GRIK3: variants seen among roughly 807,000 people sequenced by gnomAD.
GRIK3 encodes the protein glutamate receptor ionotropic, kainate 3.
GRIK3 carries 29 observed loss-of-function variants against 102.5 expected under a neutral mutation model. The observed-to-expected ratio is 0.28, with a 90% confidence interval of 0.21 to 0.39. The LOEUF is 0.39. Ranked by LOEUF, GRIK3 falls within the 10% of genes least tolerant of loss-of-function variation. GRIK3 has a pLI of 1.00. For missense variants in GRIK3, 908 were observed against 1,252.4 expected, an observed-to-expected ratio of 0.73 and a Z score of 4.15; for synonymous variants, 511 against 504.9, an observed-to-expected ratio of 1.01 and a Z score of -0.16.
chr1:36,810,794 G>A (rs1642552699), intron 13 of GRIK3, among the ~76,000 whole-genome samples: 2 of 152,210 alleles, frequency 1.3e-5, no homozygotes, highest in Admixed American at 1.3e-4. Context: ...GGTCATTTCT[G>A]TGGGGACAGG....
chr1:36,809,443 C>T (rs1437011039), intron 13 of GRIK3, among the ~76,000 whole-genome samples: 1 of 152,114 alleles, frequency 6.6e-6, no homozygotes, highest in Non-Finnish European at 1.5e-5. Context: ...TCCTTCTCAC[C>T]CATCTTACCC....
intron 2 of GRIK3, 95 bp downstream of exon 2, chr1:36,890,825 G>T: frequency 4.1e-6 from 4 of 965,910 alleles, no homozygotes; most frequent in Non-Finnish European, 4.5e-6. Flanking sequence ...GAACCTACTT[G>T]GAGCTCTGGC....
chr1:36,992,272 T>C (rs1642371106), intron 1 of GRIK3, among the ~76,000 whole-genome samples: 1 of 148,986 alleles, frequency 6.7e-6, no homozygotes, highest in Non-Finnish European at 1.5e-5. Flanking sequence ...AAACCAGGAG[T>C]GTAGTGAGGC....
chr1:36,987,039 C>T (rs186066028), intron 1 of GRIK3, among the ~76,000 whole-genome samples: 40 of 152,324 alleles, frequency 2.6e-4, no homozygotes, highest in African/African-American at 8.7e-4. Context: ...TGCTGCAGCC[C>T]TGGCTGGCTG....
In GRIK3 at chr1:36,817,291, G is replaced by A. The variant is rs750705218; in HGVS notation, c.1874-14C>T. On this transcript the variant is annotated splice_polypyrimidine_tract_variant and intron_variant, in intron 12 of 15. Coordinates refer to ENST00000373091, the MANE Select transcript of GRIK3 (RefSeq NM_000831.4). Reference sequence around the variant, plus strand: ...TCAGCTCAGACCCTGGGCGAAGAGAGGAGATAGTCAGTCCCTTACAACATC... The same window carrying A: ...TCAGCTCAGACCCTGGGCGAAGAGAAGAGATAGTCAGTCCCTTACAACATC... 20 of 1,562,162 alleles carry A rather than the reference G, an allele frequency of 1.3e-5. No individual in the cohort carries two copies. In the South Asian group the frequency reaches 2.0e-4, roughly 16 times the overall value.
chr1:36,844,115 C>T (rs1640492703), intron 9 of GRIK3, among the ~76,000 whole-genome samples: 1 of 152,228 alleles, frequency 6.6e-6, no homozygotes, highest in Admixed American at 6.5e-5. Flanking sequence ...TAAATCCCAT[C>T]CTGCCCCATG....
At chr1:37,016,151 C>A (rs1642650449) in intron 1 of GRIK3, among the ~76,000 whole-genome samples, 1 of 152,236 alleles carries the variant, frequency 6.6e-6, no homozygotes, top group Admixed American at 6.5e-5. Context: ...CCCATCCCAT[C>A]TGTGACTCTG....
intron 14 of GRIK3, 113 bp downstream of exon 14, chr1:36,805,991 C>T: frequency 2.0e-6 from 1 of 497,944 alleles, no homozygotes; most frequent in East Asian, 3.5e-5. Context: ...GAGAAAACGT[C>T]ACCTTTATCA....
intron 15 of GRIK3, among the ~76,000 whole-genome samples, chr1:36,803,238 G>C (rs969898927): frequency 1.3e-5 from 2 of 151,996 alleles, no homozygotes; most frequent in African/African-American, 4.8e-5. Context: ...ACACCCTCTG[G>C]GGGAGGAGCA....
intron 15 of GRIK3, among the ~76,000 whole-genome samples, chr1:36,803,871 G>T (rs774587107): frequency 6.6e-6 from 1 of 152,142 alleles, no homozygotes; most frequent in Non-Finnish European, 1.5e-5. Flanking sequence ...ATCTCTTCGT[G>T]TTATAATTTA....
At chr1:36,908,868 C>G (rs970128769) in intron 1 of GRIK3, among the ~76,000 whole-genome samples, 12 of 151,542 alleles carry the variant, frequency 7.9e-5, no homozygotes, top group African/African-American at 2.9e-4. Context: ...CAGGGTGCAG[C>G]TGGAATATTT....
intron 9 of GRIK3, among the ~76,000 whole-genome samples, chr1:36,844,869 T>C (rs1415198187): frequency 6.6e-6 from 1 of 152,208 alleles, no homozygotes; most frequent in African/African-American, 2.4e-5. Context: ...TCATGGTTGA[T>C]AGCGGAAAAC....
chr1:37,028,025 G>A (rs950887326), intron 1 of GRIK3, among the ~76,000 whole-genome samples: 4 of 152,134 alleles, frequency 2.6e-5, no homozygotes, highest in African/African-American at 7.2e-5. Flanking sequence ...AGGTCAGGAT[G>A]TGACTCTTGC....
intron 1 of GRIK3, among the ~76,000 whole-genome samples, chr1:36,907,821 G>A (rs1641300361): frequency 6.6e-6 from 1 of 152,152 alleles, no homozygotes. Context: ...CAGAGGTTCA[G>A]AGAGTGGGTT....
chr1:36,844,346 A>G (rs1299410918), intron 9 of GRIK3, among the ~76,000 whole-genome samples: 1 of 152,234 alleles, frequency 6.6e-6, no homozygotes, highest in Non-Finnish European at 1.5e-5. Flanking sequence ...GTTGGAGAAG[A>G]GTCCACGTGG....
intron 1 of GRIK3, among the ~76,000 whole-genome samples, chr1:37,024,301 T>C (rs1470352301): frequency 6.6e-6 from 1 of 152,012 alleles, no homozygotes; most frequent in South Asian, 2.1e-4. Context: ...GGGAACAAAC[T>C]CAAGCCAGAG....
chr1:36,937,381 G>T (rs1318190414), intron 1 of GRIK3, among the ~76,000 whole-genome samples: 2 of 152,186 alleles, frequency 1.3e-5, no homozygotes, highest in African/African-American at 4.8e-5. Flanking sequence ...GTTGTACTCT[G>T]CATGCAAGGA....
At position 36,880,540 on chromosome 1, in the gene GRIK3, G is replaced by T; in HGVS notation, c.550+94C>A. 8.0e-7 allele frequency: 1 copy of T among 1,256,036 alleles called. No individual in the cohort carries two copies. Among genetic ancestry groups the T allele is most frequent in the South Asian group, 1.3e-5 (1 of 75,838 alleles). 77.8% of individuals were successfully genotyped at this position (1,256,036 alleles called of 1,614,324 possible). A position where few individuals can be genotyped will look rare whatever the true frequency, so the allele number is the denominator to read the frequency against. On this transcript the variant is annotated intron_variant, in intron 3 of 15. Transcript: ENST00000373091. This position sits in a 1 kb window ranked among gnomAD's most constrained non-coding sequence, Gnocchi z 5.4. ...GTATGGAACACAGCCTCTTCCCCCA[G>T]GGCAGCTGTGCTGAACAAACAGACA...
chr1:37,011,600 C>CTTTT (rs1281266195), intron 1 of GRIK3, among the ~76,000 whole-genome samples: 1 of 152,182 alleles, frequency 6.6e-6, no homozygotes, highest in African/African-American at 2.4e-5. Flanking sequence ...CAACACCTGC[C>CTTTT]TTTTATTAGC....
Sources: gnomAD v4.1 joint callset for allele counts (sites outside exome capture counted in the v4.1 genomes callset) on GRCh38, gnomAD v4.1.1 for gene constraint, Gnocchi (gnomAD v3.1) non-coding constraint, MANE v1.5 for transcripts, NCBI Gene and HGNC (gene_info 2026-07-23, HGNC 2026-07-21) for gene names.